FAM81A: variants seen among roughly 807,000 people sequenced by gnomAD.
FAM81A encodes the protein protein FAM81A.
FAM81A carries 19 observed loss-of-function variants against 46.7 expected under a neutral mutation model. That is an observed-to-expected ratio of 0.41 (90% confidence interval 0.28 to 0.60). FAM81A has a LOEUF of 0.60. FAM81A is among the 20% of genes least tolerant of loss of function. The pLI is 0.34. For synonymous variants in FAM81A, 183 were observed against 152.9 expected (o/e 1.20, Z -1.45); for missense variants, 377 against 453.5 (o/e 0.83, Z 1.53).
rs369767196 is a variant in FAM81A, at chr15:59,459,959, G to C, written c.47G>C (p.Ser16Thr). The change falls in exon 3 of 9, where the codon AGC becomes ACC. Residue 16 changes from serine (S) to threonine (T), a missense_variant. Physicochemically the swap from Ser to Thr is moderately conservative, Grantham distance 58. Coordinates refer to ENST00000288228, the MANE Select transcript of FAM81A (RefSeq NM_152450.3). Reference sequence around the variant, plus strand: ...CGAGTGAGAACCATGCCCCGACACAGCCAGTCCCTGACCATGGCACCATAC... The same window carrying C: ...CGAGTGAGAACCATGCCCCGACACACCCAGTCCCTGACCATGGCACCATAC... ...LRRVRTMPRH[S>T]QSLTMAPYSS... 3.7e-6 allele frequency: 6 copies of C among 1,608,698 alleles called. No homozygotes were observed. In the African/African-American group the frequency reaches 8.0e-5, roughly 22 times the overall value.
chr15:59,464,852 C>A (rs1390572769), intron 3 of FAM81A, among the ~76,000 whole-genome samples: 7 of 152,064 alleles, frequency 4.6e-5, no homozygotes, highest in Non-Finnish European at 8.8e-5. Flanking sequence ...CTTTTGTTGT[C>A]TGTGCTTTTG....
chr15:59,439,408 T>G (rs1004347729), intron 1 of FAM81A, among the ~76,000 whole-genome samples: 21 of 150,408 alleles, frequency 1.4e-4, no homozygotes, highest in African/African-American at 2.0e-4. Context: ...GTGTGTGTGT[T>G]GGGGGGGGCG....
intron 8 of FAM81A, 45 bp downstream of exon 8, chr15:59,516,885 T>C: frequency 6.7e-7 from 1 of 1,497,774 alleles, no homozygotes; most frequent in South Asian, 1.4e-5. Context: ...TTTCTGTTTG[T>C]TCTAAAACCT....
Position 59,460,524 on chromosome 15 carries a change from C to G in FAM81A, c.294+318C>G, listed in dbSNP as rs1322552839. On this transcript the variant is annotated intron_variant, in intron 3 of 8. Transcript: ENST00000288228. This position sits in a 1 kb window ranked among gnomAD's most constrained non-coding sequence, Gnocchi z 4.4. ...TAGTCGAATAGTTTCACTCTATAAT[C>G]TTTCATATCTTTGAAGACAGCTATT... is the stretch of plus-strand genomic sequence containing the variant. 4 of 409,298 alleles carry G rather than the reference C, an allele frequency of 9.8e-6. No homozygotes were observed. The Admixed American group carries it at 1.4e-4, about 15-fold the overall frequency. The allele number at this position is 409,298 out of a possible 1,614,324, so 25.4% of individuals were successfully genotyped here. A position where few individuals can be genotyped will look rare whatever the true frequency, so the allele number is the denominator to read the frequency against.
chr15:59,488,222 C>G (rs1290334059), intron 3 of FAM81A, among the ~76,000 whole-genome samples: 1 of 152,066 alleles, frequency 6.6e-6, no homozygotes, highest in Non-Finnish European at 1.5e-5. Context: ...ATTCAACATC[C>G]CTTCATGAGA....
At chr15:59,493,762 A>G (rs541855314) in intron 4 of FAM81A, among the ~76,000 whole-genome samples, 1 of 152,092 alleles carries the variant, frequency 6.6e-6, no homozygotes, top group East Asian at 1.9e-4. Context: ...TAAGTTTTGT[A>G]TTTTTAGTAG....
intron 4 of FAM81A, among the ~76,000 whole-genome samples, chr15:59,498,811 T>C (rs1029302914): frequency 1.3e-5 from 2 of 152,112 alleles, no homozygotes. Flanking sequence ...CCTGCCACCA[T>C]GCCCAGCTAA....
intron 2 of FAM81A, among the ~76,000 whole-genome samples, chr15:59,431,206 A>G (rs2081218330): frequency 1.3e-5 from 2 of 151,782 alleles, no homozygotes; most frequent in African/African-American, 4.8e-5. Context: ...CTTTTGTCAT[A>G]GTCCTAACAA....
intron 2 of FAM81A, among the ~76,000 whole-genome samples, chr15:59,405,858 G>A (rs1301289694): frequency 2.0e-5 from 3 of 152,082 alleles, no homozygotes; most frequent in Admixed American, 1.3e-4. Flanking sequence ...TGGGCATCAG[G>A]GACCCATGTT....
intron 3 of FAM81A, among the ~76,000 whole-genome samples, chr15:59,487,494 C>G (rs544415757): frequency 5.3e-5 from 8 of 151,082 alleles, no homozygotes; most frequent in African/African-American, 1.9e-4. Flanking sequence ...AAAAGATAAA[C>G]AAATTGACAA....
intron 4 of FAM81A, among the ~76,000 whole-genome samples, chr15:59,504,243 G>T (rs2082126431): frequency 6.6e-6 from 1 of 151,940 alleles, no homozygotes; most frequent in Non-Finnish European, 1.5e-5. Context: ...TCTACATTTG[G>T]CATTATTTTT....
At chr15:59,497,133 A>G (rs2082042612) in intron 4 of FAM81A, among the ~76,000 whole-genome samples, 1 of 148,426 alleles carries the variant, frequency 6.7e-6, no homozygotes, top group Non-Finnish European at 1.5e-5. Context: ...TTAAAAAAGA[A>G]GAAGAAGAAG....
At chr15:59,445,212 G>A (rs572235375) in intron 1 of FAM81A, 4 of 152,276 alleles carry the variant, frequency 2.6e-5, no homozygotes, top group South Asian at 4.1e-4. Flanking sequence ...ACTTCAGAAC[G>A]CGTTTGTGAA....
At chr15:59,494,004 ATT>A (rs2082008680) in intron 4 of FAM81A, among the ~76,000 whole-genome samples, 1 of 152,118 alleles carries the variant, frequency 6.6e-6, no homozygotes, top group Non-Finnish European at 1.5e-5. Context: ...TCACTGCTCT[ATT>A]GAGTCTCTCC....
chr15:59,401,202 T>C (rs1229625468), intron 1 of FAM81A: 4 of 864,102 alleles, frequency 4.6e-6, no homozygotes, highest in Non-Finnish European at 8.0e-6. Context: ...TCCTCAATAA[T>C]TATATATGAA....
intron 3 of FAM81A, among the ~76,000 whole-genome samples, chr15:59,488,712 C>T (rs1596520801): frequency 6.6e-6 from 1 of 152,196 alleles, no homozygotes; most frequent in African/African-American, 2.4e-5. Flanking sequence ...TGCTGTGGCT[C>T]ACGCCTATAA....
At chr15:59,426,867 A>T (rs1341830235) in intron 2 of FAM81A, among the ~76,000 whole-genome samples, 1 of 152,176 alleles carries the variant, frequency 6.6e-6, no homozygotes, top group South Asian at 2.1e-4. Context: ...CATTATAACT[A>T]TTGTTCACAG....
In FAM81A at chr15:59,513,076, A is replaced by G. The variant is rs140321301; in HGVS notation, c.651-1213A>G. On this transcript the variant is annotated intron_variant, in intron 6 of 8. Coordinates refer to ENST00000288228, the MANE Select transcript of FAM81A (RefSeq NM_152450.3). ...ACTATTTAAGTCACATGTCTACATC[A>G]CATACATTCTTCTGTATTTTATTAC... 4.2e-3 allele frequency among the ~76,000 whole-genome samples: 633 copies of G among 152,344 alleles called. 6 individuals carry two copies. The highest frequency in any genetic ancestry group is 0.015 in the African/African-American group (606 of 41,564).
chr15:59,450,566 T>C (rs908189037), intron 1 of FAM81A, among the ~76,000 whole-genome samples: 25 of 152,206 alleles, frequency 1.6e-4, no homozygotes, highest in African/African-American at 5.5e-4. Context: ...TACTTGATCT[T>C]TTCATACTTG....
Sources: allele counts gnomAD v4.1 joint callset (sites outside exome capture counted in the v4.1 genomes callset), GRCh38; gene constraint gnomAD v4.1.1; non-coding constraint Gnocchi (gnomAD v3.1); transcripts MANE v1.5; gene names NCBI Gene and HGNC (gene_info 2026-07-23, HGNC 2026-07-21).